TRPM1: variants seen among roughly 807,000 people sequenced by gnomAD.
TRPM1 encodes TRPM1-203 APA Isoform, Intron 10.
A neutral mutation model predicts 149.4 loss-of-function variants in TRPM1; 113 were observed. The ratio of observed to expected loss-of-function variants is 0.76; its 90% CI spans 0.65 to 0.88. TRPM1 has a LOEUF of 0.88. Ranked by LOEUF, TRPM1 falls within the 40% of genes least tolerant of loss-of-function variation. The pLI, the probability that TRPM1 is intolerant of heterozygous loss-of-function variation, is 0.00. For synonymous variants in TRPM1, 741 were observed against 759.5 expected, an observed-to-expected ratio of 0.98 and a Z score of 0.40; for missense variants, 1,976 against 2,038.7, an observed-to-expected ratio of 0.97 and a Z score of 0.59.
intron 25 of TRPM1, 136 bp downstream of exon 25, chr15:31,028,196 C>A (rs1463739443): frequency 2.8e-6 from 3 of 1,086,112 alleles, no homozygotes; most frequent in Non-Finnish European, 2.8e-6. Context: ...AAAGAGACTG[C>A]AAAAATTGGA....
intron 3 of TRPM1, among the ~76,000 whole-genome samples, chr15:31,076,025 A>G (rs918580541): frequency 2.6e-5 from 4 of 152,164 alleles, no homozygotes; most frequent in African/African-American, 4.8e-5. Flanking sequence ...GAGAGTTCCC[A>G]GGATGGCCTA....
chr15:31,030,201 T>C (rs1343020242), intron 23 of TRPM1, among the ~76,000 whole-genome samples: 1 of 152,228 alleles, frequency 6.6e-6, no homozygotes, highest in Non-Finnish European at 1.5e-5. Context: ...GATAAAAACT[T>C]TCTATTCCCA....
chr15:31,128,170 G>A (rs910689521), intron 1 of TRPM1, among the ~76,000 whole-genome samples: 2 of 152,142 alleles, frequency 1.3e-5, no homozygotes, highest in South Asian at 2.1e-4. Context: ...CTCAGGATTG[G>A]TGACTGTCTC....
chr15:31,059,816 T>C (rs913146024), intron 11 of TRPM1, among the ~76,000 whole-genome samples: 5 of 152,168 alleles, frequency 3.3e-5, no homozygotes, highest in Non-Finnish European at 7.3e-5. Flanking sequence ...TCCTAATCTA[T>C]AAAATGGATC....
intron 16 of TRPM1, among the ~76,000 whole-genome samples, chr15:31,044,399 T>C (rs8039735): frequency 0.024 from 3,623 of 152,052 alleles, 144 homozygotes; most frequent in African/African-American, 0.083. Context: ...AAAAAGGAAG[T>C]TGCTTGATAA....
At chr15:31,070,348 T>A in intron 3 of TRPM1, 122 bp from the exon 4 acceptor site, 2 of 917,504 alleles carry the variant, frequency 2.2e-6, no homozygotes, top group Non-Finnish European at 1.8e-6. Context: ...AACACTTCAG[T>A]AAGCCAGCGT....
In TRPM1 at chr15:31,113,566, T is replaced by C. The variant is rs186583796; in HGVS notation, c.55-36582A>G. Among the ~76,000 whole-genome samples the C allele has an allele frequency of 5.8e-3, 888 of 151,902 alleles. 9 individuals are homozygous for C. The highest frequency in any genetic ancestry group is 0.02 in the African/African-American group (826 of 41,288). On this transcript the variant is annotated intron_variant, in intron 1 of 26. Transcript: ENST00000542188. ...TACTCCTAAAATGTTTTTTTTTAAC[T>C]TTAGGTTCCCCCATACAACTGCAGG...
At chr15:31,067,525 G>T (rs2034412499) in intron 5 of TRPM1, among the ~76,000 whole-genome samples, 1 of 148,224 alleles carries the variant, frequency 6.7e-6, no homozygotes, top group African/African-American at 2.4e-5. Context: ...ATACTGCCTG[G>T]TATGTTCCTT....
intron 3 of TRPM1, among the ~76,000 whole-genome samples, chr15:31,072,386 G>A (rs752304094): frequency 7.8e-4 from 118 of 152,082 alleles, no homozygotes; most frequent in Non-Finnish European, 1.4e-3. Flanking sequence ...TAATATTCTC[G>A]TATGAATGGA....
chr15:31,161,156 G>T, exon 1 of TRPM1: 2 of 590,740 alleles, frequency 3.4e-6, no homozygotes, highest in Non-Finnish European at 6.0e-6. Flanking sequence ...GTTCAGCCTA[G>T]GAGGAGCATG....
intron 1 of TRPM1, among the ~76,000 whole-genome samples, chr15:31,159,290 C>T (rs1017642771): frequency 6.6e-6 from 1 of 152,182 alleles, no homozygotes; most frequent in African/African-American, 2.4e-5. Context: ...ACCAAACATA[C>T]AGCAGTACAC....
Position 31,027,127 on chromosome 15 carries a change from G to T in TRPM1, c.3294-10C>A, listed in dbSNP as rs770642922. On this transcript the variant is annotated splice_polypyrimidine_tract_variant and intron_variant, in intron 25 of 27. Coordinates refer to ENST00000256552, the MANE Select transcript of TRPM1 (RefSeq NM_001252024.2). ...TTCAAAGAAGGTATTGCTTTAAAAAGAAGACATTTTTACAGTTAGTTATAT... is the reference window on the plus strand; with the variant it reads ...TTCAAAGAAGGTATTGCTTTAAAAATAAGACATTTTTACAGTTAGTTATAT... 10 of 1,612,512 alleles carry T rather than the reference G, an allele frequency of 6.2e-6. No individual in the cohort carries two copies. The South Asian group carries it at 6.6e-5, about 11-fold the overall frequency.
At chr15:31,003,149 G>A in intron 27 of TRPM1, 79 bp from the exon 28 acceptor site, 1 of 1,332,894 alleles carries the variant, frequency 7.5e-7, no homozygotes, top group East Asian at 2.4e-5. Context: ...TCATTGCTAT[G>A]TGATTTTTCA....
In TRPM1 at chr15:31,026,055, GAACTCTGGCATC is replaced by G. The variant is rs1336245152; in HGVS notation, c.3629+72_3629+83del. On this transcript the variant is annotated intron_variant, in intron 27 of 27. Coordinates refer to ENST00000256552, the MANE Select transcript of TRPM1 (RefSeq NM_001252024.2). ...GAGAACTCGGAGTGCATGTTTAAAT[GAACTCTGGCATC>G]CCCCATAGAGTGGGGCGCCCGAGTC... is the stretch of plus-strand genomic sequence containing the variant. 5 of 1,572,756 alleles carry G rather than the reference GAACTCTGGCATC, an allele frequency of 3.2e-6. No homozygotes were observed. In the African/African-American group the frequency reaches 6.7e-5, roughly 21 times the overall value.
chr15:31,085,334 A>C (rs1321037651), intron 1 of TRPM1, among the ~76,000 whole-genome samples: 2 of 152,196 alleles, frequency 1.3e-5, no homozygotes, highest in African/African-American at 2.4e-5. Context: ...TTATCATTCC[A>C]TCATTTAGGA....
chr15:31,001,071 T>C lies in TRPM1; in HGVS notation c.*751A>G, dbSNP rs1251696671. On this transcript the variant is annotated 3_prime_UTR_variant, in exon 28 of 28. Coordinates refer to ENST00000256552, the MANE Select transcript of TRPM1 (RefSeq NM_001252024.2). ...CTCTATGACAAGAAGAAAATGCATATTGGATACTTTATTTTTGCACATTAA... is the reference window on the plus strand; with the variant it reads ...CTCTATGACAAGAAGAAAATGCATACTGGATACTTTATTTTTGCACATTAA... The C allele has an allele frequency of 6.6e-6, 1 of 152,238 alleles. No individual in the cohort carries two copies. Among genetic ancestry groups the C allele is most frequent in the African/African-American group, 2.4e-5 (1 of 41,442 alleles). The allele number at this position is 152,238 out of a possible 1,614,324, so 9.4% of individuals were successfully genotyped here.
chr15:31,144,712 ATTTTTTTTT>A (rs34583108), intron 1 of TRPM1, among the ~76,000 whole-genome samples: 1 of 108,208 alleles, frequency 9.2e-6, no homozygotes, highest in Non-Finnish European at 2.1e-5. Context: ...TGTTTTTGAG[ATTTTTTTTT>A]TTTTTTTTTT....
At chr15:31,159,751 C>T (rs1370063417) in intron 1 of TRPM1, among the ~76,000 whole-genome samples, 2 of 152,110 alleles carry the variant, frequency 1.3e-5, no homozygotes, top group Non-Finnish European at 2.9e-5. Flanking sequence ...TGCTTCTGCC[C>T]CATTTTATGG....
chr15:31,038,277 C>T, intron 18 of TRPM1, 111 bp from the exon 19 acceptor site: 1 of 1,258,548 alleles, frequency 7.9e-7, no homozygotes, highest in East Asian at 2.5e-5. Context: ...CCTAGGAGCC[C>T]TGGAATGTTA....
Sources: gnomAD v4.1 joint callset for allele counts (sites outside exome capture counted in the v4.1 genomes callset) on GRCh38, gnomAD v4.1.1 for gene constraint, MANE v1.5 for transcripts, NCBI Gene and HGNC (gene_info 2026-07-23, HGNC 2026-07-21) for gene names.